The following CHN2 variants were observed in gnomAD, a reference collection of about 807,000 sequenced individuals.
The protein encoded by CHN2 is chimerin 2.
Under a neutral mutation model 56.3 loss-of-function variants are expected in CHN2, and 35 were observed. The ratio of observed to expected loss-of-function variants is 0.62; its 90% CI spans 0.47 to 0.82. The LOEUF (loss-of-function observed/expected upper bound fraction) is 0.82. CHN2 is among the 40% of genes least tolerant of loss of function. CHN2 has a pLI of 0.00. For synonymous variants in CHN2, 210 were observed against 212.8 expected (o/e 0.99, Z 0.12); for missense variants, 491 against 580.5 (o/e 0.85, Z 1.58).
At chr7:29,499,811 G>A (rs1233845346) in intron 8 of CHN2, 56 bp from the exon 9 acceptor site, 1 of 1,456,286 alleles carries the variant, frequency 6.9e-7, no homozygotes, top group Non-Finnish European at 9.2e-7. Context: ...CATATAATTT[G>A]TGTTGTGCTT....
At chr7:29,495,525 A>G (rs1354016188) in intron 7 of CHN2, among the ~76,000 whole-genome samples, 2 of 152,206 alleles carry the variant, frequency 1.3e-5, no homozygotes, top group Non-Finnish European at 2.9e-5. Context: ...ATCATGTCTT[A>G]TTTATACCTG....
intron 1 of CHN2, among the ~76,000 whole-genome samples, chr7:29,260,781 T>C (rs1226068505): frequency 1.3e-5 from 2 of 152,222 alleles, no homozygotes; most frequent in Non-Finnish European, 2.9e-5. Flanking sequence ...ACACCGGACC[T>C]GTTTTATGAG....
At chr7:29,225,043 C>A (rs934472126) in intron 1 of CHN2, among the ~76,000 whole-genome samples, 2 of 152,126 alleles carry the variant, frequency 1.3e-5, no homozygotes, top group African/African-American at 4.8e-5. Context: ...TTGTAGCCTG[C>A]CTGAGTTGAC....
chr7:29,476,596 T>C (rs1356861813), intron 6 of CHN2, among the ~76,000 whole-genome samples: 1 of 151,648 alleles, frequency 6.6e-6, no homozygotes, highest in East Asian at 1.9e-4. Context: ...TGCAAAGCGC[T>C]GAGTATAACA....
intron 2 of CHN2, among the ~76,000 whole-genome samples, chr7:29,173,740 C>T (rs552926516): frequency 9.3e-5 from 14 of 150,088 alleles, no homozygotes; most frequent in African/African-American, 2.7e-4. Context: ...GTCAGGTGCC[C>T]GGCCTGTCCA....
At chr7:29,195,805 G>A (rs1011987913) in intron 1 of CHN2, among the ~76,000 whole-genome samples, 2 of 152,072 alleles carry the variant, frequency 1.3e-5, no homozygotes, top group Non-Finnish European at 2.9e-5. Flanking sequence ...TCTAATTGAA[G>A]AGAAAAAAAT....
intron 1 of CHN2, among the ~76,000 whole-genome samples, chr7:29,229,260 A>G (rs1356372445): frequency 6.6e-6 from 1 of 152,202 alleles, no homozygotes; most frequent in African/African-American, 2.4e-5. Flanking sequence ...ATCTAAAAAT[A>G]CTTCCCATTG....
At chr7:29,362,328 G>C (rs1011575350) in intron 2 of CHN2, among the ~76,000 whole-genome samples, 2 of 152,188 alleles carry the variant, frequency 1.3e-5, no homozygotes, top group Non-Finnish European at 2.9e-5. Context: ...CCTTATTAGT[G>C]AGGGGAATAA....
At chr7:29,325,760 C>T (rs1308040740) in intron 1 of CHN2, among the ~76,000 whole-genome samples, 1 of 152,158 alleles carries the variant, frequency 6.6e-6, no homozygotes, top group African/African-American at 2.4e-5. Context: ...GTTTCCTTCC[C>T]AGGACACTGT....
intron 2 of CHN2, among the ~76,000 whole-genome samples, chr7:29,147,546 T>A (rs901271104): frequency 6.6e-6 from 1 of 152,368 alleles, no homozygotes; most frequent in East Asian, 1.9e-4. Flanking sequence ...GTACCTACTT[T>A]ATTGGGTTGT....
intron 1 of CHN2, among the ~76,000 whole-genome samples, chr7:29,202,778 G>A (rs1177992890): frequency 2.0e-5 from 3 of 152,152 alleles, no homozygotes; most frequent in Admixed American, 6.5e-5. Context: ...GAAACCTAGC[G>A]CTTCCTTATT....
intron 2 of CHN2, among the ~76,000 whole-genome samples, chr7:29,185,944 C>T (rs1186853098): frequency 1.3e-5 from 2 of 152,160 alleles, no homozygotes; most frequent in Non-Finnish European, 2.9e-5. Context: ...GAAACTCGCC[C>T]ATGTGAAAAT....
intron 1 of CHN2, among the ~76,000 whole-genome samples, chr7:29,273,794 T>TG (rs1790952242): frequency 6.6e-6 from 1 of 151,894 alleles, no homozygotes. Flanking sequence ...GGGAGGTGGT[T>TG]GGATTTCATA....
chr7:29,441,555 A>G (rs950187109), intron 6 of CHN2, among the ~76,000 whole-genome samples: 5 of 152,228 alleles, frequency 3.3e-5, no homozygotes, highest in African/African-American at 7.2e-5. Context: ...CTTGAAAATC[A>G]TATATCTGAT....
At chr7:29,175,912 C>T (rs34023768) in intron 2 of CHN2, among the ~76,000 whole-genome samples, 16,635 of 152,030 alleles carry the variant, frequency 0.11, 1,038 homozygotes, top group African/African-American at 0.15. Flanking sequence ...ACCAGACGGG[C>T]GCGGTGGCTC....
intron 1 of CHN2, among the ~76,000 whole-genome samples, chr7:29,326,496 TGGGTA>T (rs1795814622): frequency 6.6e-6 from 1 of 152,200 alleles, no homozygotes; most frequent in Non-Finnish European, 1.5e-5. Flanking sequence ...CATGGAAGCC[TGGGTA>T]GAGGCAGGAT....
intron 1 of CHN2, among the ~76,000 whole-genome samples, chr7:29,261,934 G>A (rs1789586736): frequency 6.6e-6 from 1 of 152,212 alleles, no homozygotes; most frequent in African/African-American, 2.4e-5. Context: ...TTGGGAGGCT[G>A]AGGCAGGCAG....
chr7:29,206,557 A>T (rs952166893), intron 1 of CHN2, among the ~76,000 whole-genome samples: 3 of 152,094 alleles, frequency 2.0e-5, no homozygotes, highest in African/African-American at 7.2e-5. Context: ...TGGGATTACA[A>T]GTGTGAGCCA....
chr7:29,160,428 A>G (rs1041635990), intron 2 of CHN2, among the ~76,000 whole-genome samples: 1 of 152,114 alleles, frequency 6.6e-6, no homozygotes. Context: ...AGTTTGGGCA[A>G]TAATGTACCC....
Sources: allele counts gnomAD v4.1 joint callset (sites outside exome capture counted in the v4.1 genomes callset), GRCh38; gene constraint gnomAD v4.1.1; transcripts MANE v1.5; gene names NCBI Gene and HGNC (gene_info 2026-07-23, HGNC 2026-07-21).